Variants in SLC25A21 observed in about 807,000 individuals in gnomAD.
SLC25A21 encodes the protein mitochondrial 2-oxodicarboxylate carrier.
SLC25A21 carries 47 observed loss-of-function variants against 43.8 expected under a neutral mutation model. That is an observed-to-expected ratio of 1.07 (90% CI 0.85 to 1.37). The LOEUF (loss-of-function observed/expected upper bound fraction) is 1.37, where lower values mean the gene tolerates loss of function less well. SLC25A21 is among the 40% of genes most tolerant of loss of function. The pLI is 0.00. For synonymous variants in SLC25A21, 131 were observed against 121.3 expected, an observed-to-expected ratio of 1.08 and a Z score of -0.52; for missense variants, 352 against 350.2, an observed-to-expected ratio of 1.00 and a Z score of -0.04.
chr14:37,126,091 A>T (rs1044504075), intron 1 of SLC25A21, among the ~76,000 whole-genome samples: 1 of 152,206 alleles, frequency 6.6e-6, no homozygotes, highest in Admixed American at 6.5e-5. Context: ...TATTTTGATC[A>T]TAACTCAGGA....
At chr14:36,907,212 A>G (rs1304844671) in intron 1 of SLC25A21, among the ~76,000 whole-genome samples, 1 of 152,218 alleles carries the variant, frequency 6.6e-6, no homozygotes, top group Non-Finnish European at 1.5e-5. Context: ...ATAAACAAAA[A>G]TAAAATGTCA....
At chr14:37,137,141 G>A (rs922542727) in intron 1 of SLC25A21, among the ~76,000 whole-genome samples, 1 of 152,144 alleles carries the variant, frequency 6.6e-6, no homozygotes, top group Admixed American at 6.6e-5. Flanking sequence ...GGGACTACAG[G>A]CGCCCGCCAC....
At chr14:36,917,365 A>G (rs1364237671) in intron 1 of SLC25A21, among the ~76,000 whole-genome samples, 2 of 152,114 alleles carry the variant, frequency 1.3e-5, no homozygotes, top group African/African-American at 2.4e-5. Context: ...TGAAATGGCC[A>G]TGTTTCTTAT....
In SLC25A21 at chr14:36,876,350, A is replaced by G. The variant is rs572465673; in HGVS notation, c.71-1346T>C. On this transcript the variant is annotated intron_variant, in intron 1 of 9. Coordinates refer to ENST00000331299, the MANE Select transcript of SLC25A21 (RefSeq NM_030631.4). Reference sequence around the variant, plus strand: ...TGCTCTAGGTTGCAAAGTCCTATGTATTGACCAAAACTGTCTTACTTTGGC... The same window carrying G: ...TGCTCTAGGTTGCAAAGTCCTATGTGTTGACCAAAACTGTCTTACTTTGGC... 7.2e-5 allele frequency among the ~76,000 whole-genome samples: 11 copies of G among 152,278 alleles called. No individual in the cohort carries two copies. In the East Asian group the frequency reaches 2.1e-3, roughly 29 times the overall value.
chr14:37,108,235 G>A (rs1962951097), intron 1 of SLC25A21, among the ~76,000 whole-genome samples: 1 of 152,168 alleles, frequency 6.6e-6, no homozygotes, highest in Non-Finnish European at 1.5e-5. Context: ...CTTCTAAGCT[G>A]CCATCATGTG....
chr14:36,908,963 T>C (rs77404411), intron 1 of SLC25A21, among the ~76,000 whole-genome samples: 1,695 of 152,276 alleles, frequency 0.011, 31 homozygotes, highest in African/African-American at 0.038. Flanking sequence ...GATAGTTTAC[T>C]TGGAGGCAGA....
chr14:36,695,677 CA>C (rs1882986742), intron 7 of SLC25A21, among the ~76,000 whole-genome samples: 1 of 152,102 alleles, frequency 6.6e-6, no homozygotes, highest in Admixed American at 6.6e-5. Context: ...GTAGCAATTG[CA>C]AATGGGAGTT....
At chr14:37,020,414 CA>C (rs200047962) in intron 1 of SLC25A21, among the ~76,000 whole-genome samples, 8 of 140,490 alleles carry the variant, frequency 5.7e-5, no homozygotes, top group East Asian at 4.1e-4. Flanking sequence ...CTAATCATCT[CA>C]AAAAAAAACA....
At chr14:36,690,595 C>T (rs1314329785) in intron 7 of SLC25A21, among the ~76,000 whole-genome samples, 1 of 152,170 alleles carries the variant, frequency 6.6e-6, no homozygotes, top group Non-Finnish European at 1.5e-5. Flanking sequence ...CATTCCTACA[C>T]TGGGTGCTAG....
At chr14:36,972,423 C>T (rs1479013595) in intron 1 of SLC25A21, among the ~76,000 whole-genome samples, 1 of 152,106 alleles carries the variant, frequency 6.6e-6, no homozygotes, top group Admixed American at 6.5e-5. Flanking sequence ...ATAATTAAGG[C>T]CATGGTCATC....
rs1026622946 is a variant in SLC25A21, at chr14:36,891,804, C to T, written c.71-16800G>A. On this transcript the variant is annotated intron_variant, in intron 1 of 9. Coordinates refer to ENST00000331299, the MANE Select transcript of SLC25A21 (RefSeq NM_030631.4). ...TTCCCCTTCCCACTAACTGGAACTT[C>T]AAAGAGGCAGTGATTTAAGTTATAC... Among the ~76,000 whole-genome samples, 7 of 152,186 alleles carry T rather than the reference C, an allele frequency of 4.6e-5. No homozygotes were observed. The South Asian group carries it at 6.2e-4, about 14-fold the overall frequency.
At chr14:36,867,809 GT>G (rs1890255394) in intron 2 of SLC25A21, among the ~76,000 whole-genome samples, 8 of 152,056 alleles carry the variant, frequency 5.3e-5, no homozygotes, top group Middle Eastern at 3.4e-3. Context: ...GTGTGTGTGT[GT>G]GTGTGTGTGT....
chr14:37,043,940 G>GTTTTTTT (rs59081965), intron 1 of SLC25A21, among the ~76,000 whole-genome samples: 1,087 of 55,878 alleles, frequency 0.019, 6 homozygotes, highest in Middle Eastern at 0.026. Flanking sequence ...ATGTTTTTTT[G>GTTTTTTT]TTTTTTTTTT....
At chr14:37,017,277 C>G (rs1007517727) in intron 1 of SLC25A21, among the ~76,000 whole-genome samples, 3 of 151,964 alleles carry the variant, frequency 2.0e-5, no homozygotes, top group African/African-American at 4.8e-5. Flanking sequence ...TCACTGTAGG[C>G]TTACTAAATG....
chr14:36,785,559 A>AT (rs1458284461), intron 3 of SLC25A21, among the ~76,000 whole-genome samples: 1 of 152,196 alleles, frequency 6.6e-6, no homozygotes, highest in African/African-American at 2.4e-5. Context: ...TGAAATACAA[A>AT]TTATTATTAG....
At chr14:36,778,578 G>A (rs1474803730) in intron 3 of SLC25A21, among the ~76,000 whole-genome samples, 1 of 152,220 alleles carries the variant, frequency 6.6e-6, no homozygotes, top group East Asian at 1.9e-4. Flanking sequence ...GGGGTGAGGA[G>A]ATGGCCTTGT....
intron 1 of SLC25A21, among the ~76,000 whole-genome samples, chr14:37,119,042 C>T (rs1963156774): frequency 6.6e-6 from 1 of 152,072 alleles, no homozygotes; most frequent in Non-Finnish European, 1.5e-5. Context: ...TGGAAGTGAC[C>T]TCCAGTAATC....
chr14:36,789,989 AT>A, intron 3 of SLC25A21, among the ~76,000 whole-genome samples: 1 of 133,234 alleles, frequency 7.5e-6, no homozygotes, highest in Non-Finnish European at 1.5e-5. Flanking sequence ...ATATATATAT[AT>A]TTTTCCTAGT....
At chr14:37,157,407 T>C (rs1359777957) in intron 1 of SLC25A21, among the ~76,000 whole-genome samples, 4 of 151,916 alleles carry the variant, frequency 2.6e-5, no homozygotes. Context: ...CAGACCACAA[T>C]GGAATAAAAT....
Sources: gnomAD v4.1 joint callset for allele counts (sites outside exome capture counted in the v4.1 genomes callset) on GRCh38, gnomAD v4.1.1 for gene constraint, MANE v1.5 for transcripts, NCBI Gene and HGNC (gene_info 2026-07-23, HGNC 2026-07-21) for gene names.